The following ZNF536 variants were observed in gnomAD, a reference collection of about 807,000 sequenced individuals.
ZNF536 encodes zinc finger protein 536.
In ZNF536, 13 loss-of-function variants were observed where a neutral mutation model predicts 84.5. The observed-to-expected ratio is 0.15, with a 90% CI of 0.10 to 0.24. ZNF536 has a LOEUF of 0.24. ZNF536 is among the 10% of genes least tolerant of loss of function. The pLI is 1.00. For missense variants in ZNF536, 1,536 were observed against 1,747.5 expected (o/e 0.88, Z 2.16); for synonymous variants, 811 against 742.5 (o/e 1.09, Z -1.50).
intron 1 of ZNF536, among the ~76,000 whole-genome samples, chr19:30,640,077 C>T (rs1313589245): frequency 6.6e-6 from 1 of 152,126 alleles, no homozygotes; most frequent in African/African-American, 2.4e-5. Flanking sequence ...AAACCTCCAT[C>T]ACTACCAAAA....
At chr19:30,382,043 T>C (rs962967346) in intron 1 of ZNF536, among the ~76,000 whole-genome samples, 4 of 152,176 alleles carry the variant, frequency 2.6e-5, no homozygotes, top group African/African-American at 9.7e-5. Flanking sequence ...AAAATGGCCA[T>C]GTGAGACATT....
intron 1 of ZNF536, among the ~76,000 whole-genome samples, chr19:30,268,588 C>T (rs915243188): frequency 1.3e-5 from 2 of 152,156 alleles, no homozygotes; most frequent in Non-Finnish European, 2.9e-5. Flanking sequence ...AATGGACGAT[C>T]TATAACGACT....
At chr19:30,657,557 G>C (rs1352272659) in intron 1 of ZNF536, among the ~76,000 whole-genome samples, 1 of 152,146 alleles carries the variant, frequency 6.6e-6, no homozygotes, top group Non-Finnish European at 1.5e-5. Flanking sequence ...GCCCTCCTTG[G>C]GGCTCAGCCC....
chr19:30,367,876 C>T (rs1171541071), upstream of ZNF536, among the ~76,000 whole-genome samples: 1 of 152,200 alleles, frequency 6.6e-6, no homozygotes, highest in Admixed American at 6.5e-5. Flanking sequence ...TCCTGTGTCC[C>T]AGTCCTTCCT....
rs143424665 is a variant in ZNF536 at position 30,412,819 on chromosome 19, G to T, written c.-2-30742G>T. ...GATGGTTTATATACAGAGACGATCT[G>T]TTTCTTTGAACTTCTGGTAAACTAT... On this transcript the variant is annotated intron_variant, in intron 1 of 4. Coordinates refer to ENST00000355537, the MANE Select transcript of ZNF536 (RefSeq NM_014717.3). Among the ~76,000 whole-genome samples the T allele has an allele frequency of 3.6e-3, 547 of 151,864 alleles. 8 individuals carry two copies. The highest frequency in any genetic ancestry group is 0.013 in the African/African-American group (522 of 41,450).
At chr19:30,227,235 G>A (rs986610879), upstream of ZNF536, among the ~76,000 whole-genome samples, 1 of 152,162 alleles carries the variant, frequency 6.6e-6, no homozygotes, top group Non-Finnish European at 1.5e-5. Flanking sequence ...CTCCGGCAGG[G>A]CTTTCTTTGG....
intron 1 of ZNF536, among the ~76,000 whole-genome samples, chr19:30,692,856 G>T (rs1296874097): frequency 1.3e-5 from 2 of 152,278 alleles, no homozygotes; most frequent in African/African-American, 2.4e-5. Context: ...AAACCTATAA[G>T]GGCTTTTCTT....
chr19:30,686,709 C>T (rs892367925), intron 1 of ZNF536, among the ~76,000 whole-genome samples: 2 of 152,216 alleles, frequency 1.3e-5, no homozygotes, highest in Non-Finnish European at 2.9e-5. Flanking sequence ...CATTGAGCTC[C>T]TCTGTCATCT....
At chr19:30,538,871 G>A (rs760441252) in intron 3 of ZNF536, among the ~76,000 whole-genome samples, 1 of 152,168 alleles carries the variant, frequency 6.6e-6, no homozygotes, top group Non-Finnish European at 1.5e-5. Context: ...TCAGAAAGGA[G>A]ATTGCATCAG....
intron 3 of ZNF536, 122 bp from the exon 4 acceptor site, chr19:30,547,821 G>C (rs2045612682): frequency 4.4e-6 from 5 of 1,130,712 alleles, no homozygotes; most frequent in Non-Finnish European, 6.1e-6. Context: ...AAAAACAGTT[G>C]TTCTCTAATT....
intron 1 of ZNF536, among the ~76,000 whole-genome samples, chr19:30,428,793 A>C: frequency 6.6e-6 from 1 of 152,232 alleles, no homozygotes; most frequent in East Asian, 1.9e-4. Flanking sequence ...TCCCTTGTGC[A>C]GAGAGAAACA....
At chr19:30,582,919 A>T (rs2046974669) in intron 1 of ZNF536, among the ~76,000 whole-genome samples, 1 of 152,060 alleles carries the variant, frequency 6.6e-6, no homozygotes, top group South Asian at 2.1e-4. Flanking sequence ...TCAAGATGAG[A>T]TTTGGATGGG....
chr19:30,665,846 C>T, intron 1 of ZNF536: 1 of 152,830 alleles, frequency 6.5e-6, no homozygotes. Flanking sequence ...CAGGCACAGT[C>T]ACTAGGGGAT....
intron 1 of ZNF536, among the ~76,000 whole-genome samples, chr19:30,694,782 G>A (rs2051582515): frequency 6.6e-6 from 1 of 152,186 alleles, no homozygotes; most frequent in Non-Finnish European, 1.5e-5. Flanking sequence ...TGGAATCTAT[G>A]GTGCAGCCAC....
chr19:30,457,680 G>A (rs1414940391), intron 2 of ZNF536, among the ~76,000 whole-genome samples: 1 of 152,250 alleles, frequency 6.6e-6, no homozygotes, highest in Non-Finnish European at 1.5e-5. Flanking sequence ...CATGAATGGA[G>A]GAAGACACAT....
downstream of ZNF536, among the ~76,000 whole-genome samples, chr19:30,561,490 A>G (rs554351194): frequency 7.2e-5 from 11 of 152,248 alleles, no homozygotes; most frequent in African/African-American, 2.4e-4. Context: ...GCAGATCCTG[A>G]GGTAAGGACC....
chr19:30,282,394 A>G (rs982754973), intron 1 of ZNF536, among the ~76,000 whole-genome samples: 21 of 142,726 alleles, frequency 1.5e-4, no homozygotes, highest in African/African-American at 5.1e-4. Context: ...GTTTGTGCCC[A>G]TCACTGCCCC....
intron 1 of ZNF536, among the ~76,000 whole-genome samples, chr19:30,698,857 C>T (rs777629936): frequency 1.3e-5 from 2 of 152,188 alleles, no homozygotes; most frequent in African/African-American, 2.4e-5. Context: ...AGATATGCTC[C>T]GTCTCCTTGA....
At chr19:30,303,369 C>A (rs368685368) in intron 2 of ZNF536, among the ~76,000 whole-genome samples, 1 of 152,176 alleles carries the variant, frequency 6.6e-6, no homozygotes, top group Non-Finnish European at 1.5e-5. Context: ...AGAGGCAGTG[C>A]GGGAGGTGCA....
Sources: gnomAD v4.1 joint callset for allele counts (sites outside exome capture counted in the v4.1 genomes callset) on GRCh38, gnomAD v4.1.1 for gene constraint, MANE v1.5 for transcripts, NCBI Gene and HGNC (gene_info 2026-07-23, HGNC 2026-07-21) for gene names.